Variants in LMO7 observed in about 807,000 individuals in gnomAD.
The protein encoded by LMO7 is LIM domain only protein 7.
Under a neutral mutation model 206.5 loss-of-function variants are expected in LMO7, and 120 were observed. The observed-to-expected ratio is 0.58, with a 90% CI of 0.50 to 0.68. The LOEUF (loss-of-function observed/expected upper bound fraction) is 0.68, where lower values mean the gene tolerates loss of function less well. Ranked by LOEUF, LMO7 falls within the 30% of genes least tolerant of loss-of-function variation. LMO7 has a pLI of 0.00. For missense variants in LMO7, 1,959 were observed against 1,957.9 expected (o/e 1.00, Z -0.01); for synonymous variants, 706 against 681.5 (o/e 1.04, Z -0.56).
At chr13:75,742,771 T>TGG (rs1206204863) in intron 3 of LMO7, among the ~76,000 whole-genome samples, 1 of 152,196 alleles carries the variant, frequency 6.6e-6, no homozygotes, top group East Asian at 1.9e-4. Context: ...ATAAAAATTG[T>TGG]GGAAGACAAC....
intron 1 of LMO7, among the ~76,000 whole-genome samples, chr13:75,652,726 C>A (rs1209455258): frequency 6.6e-6 from 1 of 150,444 alleles, no homozygotes; most frequent in African/African-American, 2.5e-5. Flanking sequence ...ACAATTATTG[C>A]CAATGCAGAA....
At chr13:75,689,571 C>T (rs1256775194) in intron 1 of LMO7, among the ~76,000 whole-genome samples, 2 of 152,148 alleles carry the variant, frequency 1.3e-5, no homozygotes, top group Non-Finnish European at 1.5e-5. Context: ...CAGACCCACC[C>T]TCAATCTGGG....
chr13:75,719,331 AGTTT>A (rs1331664647), intron 2 of LMO7, among the ~76,000 whole-genome samples: 1 of 152,002 alleles, frequency 6.6e-6, no homozygotes, highest in Non-Finnish European at 1.5e-5. Flanking sequence ...GAGGTTCCAC[AGTTT>A]GTTTATTCAT....
chr13:75,819,366 C>A lies in LMO7; in HGVS notation c.2065-27C>A, dbSNP rs759041573. On this transcript the variant is annotated intron_variant, in intron 12 of 30. Coordinates refer to ENST00000377534, the MANE Select transcript of LMO7 (RefSeq NM_001306080.2). ...AAGGGTGTATAGAAATTCAGGTGTG[C>A]CCCTGCTGATGTGATTTTTCTGTCA... 5 of 1,572,526 alleles carry A rather than the reference C, an allele frequency of 3.2e-6. No individual in the cohort carries two copies. In the South Asian group the frequency reaches 6.1e-5, roughly 19 times the overall value.
intron 1 of LMO7, among the ~76,000 whole-genome samples, chr13:75,682,771 C>G (rs188258712): frequency 6.6e-6 from 1 of 152,098 alleles, no homozygotes; most frequent in African/African-American, 2.4e-5. Context: ...TTAAAAGCAA[C>G]GCATGTCATA....
chr13:75,678,041 A>G (rs1178208201), intron 1 of LMO7, among the ~76,000 whole-genome samples: 4 of 152,130 alleles, frequency 2.6e-5, no homozygotes, highest in Non-Finnish European at 4.4e-5. Flanking sequence ...CCAGTCTATC[A>G]TTGTTGGACA....
intron 1 of LMO7, among the ~76,000 whole-genome samples, chr13:75,654,543 G>A (rs2037867149): frequency 6.6e-6 from 1 of 152,162 alleles, no homozygotes; most frequent in Non-Finnish European, 1.5e-5. Flanking sequence ...GTAGAAGCCA[G>A]ATAATAGATG....
intron 4 of LMO7, among the ~76,000 whole-genome samples, chr13:75,767,255 G>A (rs1199711795): frequency 6.6e-6 from 1 of 152,076 alleles, no homozygotes; most frequent in Non-Finnish European, 1.5e-5. Flanking sequence ...AAACATTTCA[G>A]TGTCTTCATA....
intron 4 of LMO7, among the ~76,000 whole-genome samples, chr13:75,782,173 TA>T (rs2051586426): frequency 6.6e-6 from 1 of 152,214 alleles, no homozygotes; most frequent in African/African-American, 2.4e-5. Context: ...TAATTAGAAT[TA>T]AAAAGTTTCA....
intron 3 of LMO7, among the ~76,000 whole-genome samples, chr13:75,759,397 T>C (rs2047959403): frequency 6.6e-6 from 1 of 152,232 alleles, no homozygotes. Flanking sequence ...TAATTACAGA[T>C]AGTATACTTT....
At chr13:75,806,398 A>C (rs2055469125) in intron 9 of LMO7, 1 of 211,684 alleles carries the variant, frequency 4.7e-6, no homozygotes, top group Admixed American at 6.5e-5. Context: ...CTTAGTACAA[A>C]AGCGTAATGT....
chr13:75,650,533 T>C (rs2037452969), intron 1 of LMO7, among the ~76,000 whole-genome samples: 1 of 152,082 alleles, frequency 6.6e-6, no homozygotes, highest in South Asian at 2.1e-4. Context: ...TCTAATAAAA[T>C]CTAAGGCTAG....
At chr13:75,713,799 G>A (rs1473402880) in intron 2 of LMO7, among the ~76,000 whole-genome samples, 3 of 152,140 alleles carry the variant, frequency 2.0e-5, no homozygotes, top group African/African-American at 7.2e-5. Flanking sequence ...AGTAAGATAG[G>A]CTAGTACCAT....
chr13:75,823,665 TGGCTTCAAGCTTATCTA>T lies in LMO7; in HGVS notation c.2743_2759del (p.Ala915ProfsTer33). 1 of 1,614,180 alleles carries T rather than the reference TGGCTTCAAGCTTATCTA, an allele frequency of 6.2e-7. No homozygotes were observed. Among genetic ancestry groups the T allele is most frequent in the Non-Finnish European group, 8.5e-7 (1 of 1,180,016 alleles). On this transcript the variant is annotated frameshift_variant, in exon 15 of 31. Transcript: ENST00000377534. LOFTEE classifies it high-confidence loss of function. ...GCACCAAGCCCGGACGCAAGCCAACTGGCTTCAAGCTTATCTAGCCAGAAAGAGGTAGCAGCAACAGA... is the reference window on the plus strand; with the variant it reads ...GCACCAAGCCCGGACGCAAGCCAACTGCCAGAAAGAGGTAGCAGCAACAGA...
intron 3 of LMO7, among the ~76,000 whole-genome samples, chr13:75,745,540 G>A (rs1025861706): frequency 6.6e-6 from 1 of 152,144 alleles, no homozygotes; most frequent in South Asian, 2.1e-4. Flanking sequence ...ATGGTTAATC[G>A]TATGTGTCAA....
Position 75,842,910 on chromosome 13 carries a change from G to A in LMO7, c.4091G>A (p.Gly1364Asp). The change falls in exon 25 of 31, where the codon GGT (glycine) becomes GAT (aspartate). Residue 1364 changes from glycine (G) to aspartate (D), a missense_variant. Transcript: ENST00000377534. Reference protein sequence around the residue: ...TEEASSGFLPGDRNKSRSTTE... With the variant: ...TEEASSGFLPDDRNKSRSTTE... ...GAAGCATCTTCAGGTTTTCTTCCTG[G>A]TGACAGGTATGTAGAGCATGTTATT... 1 of 1,589,382 alleles carries A rather than the reference G, an allele frequency of 6.3e-7. No individual in the cohort carries two copies. Among genetic ancestry groups the A allele is most frequent in the Non-Finnish European group, 8.6e-7 (1 of 1,158,094 alleles).
At chr13:75,735,894 C>G (rs545511539) in intron 3 of LMO7, among the ~76,000 whole-genome samples, 4 of 151,770 alleles carry the variant, frequency 2.6e-5, no homozygotes, top group Admixed American at 6.6e-5. Flanking sequence ...AATATTTTTT[C>G]AAATGGCTTG....
chr13:75,743,536 C>A (rs779496337), intron 3 of LMO7, among the ~76,000 whole-genome samples: 4 of 152,146 alleles, frequency 2.6e-5, no homozygotes, highest in Non-Finnish European at 5.9e-5. Context: ...AGAAAGAGAT[C>A]ATGTCCTTTG....
intron 7 of LMO7, among the ~76,000 whole-genome samples, chr13:75,803,822 T>G (rs9593128): frequency 0.01 from 1,547 of 152,246 alleles, 25 homozygotes; most frequent in East Asian, 0.068. Flanking sequence ...CTTGTTTTTT[T>G]TTTTCTTCTC....
Sources: allele counts gnomAD v4.1 joint callset (sites outside exome capture counted in the v4.1 genomes callset), GRCh38; gene constraint gnomAD v4.1.1; transcripts MANE v1.5; gene names NCBI Gene and HGNC (gene_info 2026-07-23, HGNC 2026-07-21).